TAS2R1: variants seen among roughly 807,000 people sequenced by gnomAD.
TAS2R1 encodes the protein taste 2 receptor member 1.
For synonymous variants in TAS2R1, 141 were observed against 134.2 expected, an observed-to-expected ratio of 1.05 and a Z score of -0.35; for missense variants, 370 against 353.4, an observed-to-expected ratio of 1.05 and a Z score of -0.38.
chr5:9,821,473 T>G, the TAS2R1 span, among the ~76,000 whole-genome samples: 2 of 152,240 alleles, frequency 1.3e-5, no homozygotes, highest in East Asian at 3.8e-4. Flanking sequence ...CAGTCATTAT[T>G]TGGCATCTTA....
At chr5:9,693,226 T>G (rs188254633) in intron 1 of TAS2R1, among the ~76,000 whole-genome samples, 11 of 152,234 alleles carry the variant, frequency 7.2e-5, no homozygotes, top group Non-Finnish European at 1.6e-4. Context: ...TTTGGTCTCT[T>G]GGCCAGGCGC....
At chr5:9,739,272 G>A in the TAS2R1 span, among the ~76,000 whole-genome samples, 33 of 152,268 alleles carry the variant, frequency 2.2e-4, no homozygotes, top group Middle Eastern at 3.4e-3. Context: ...TAGTGAAGGT[G>A]AACAGCGTGC....
At chr5:9,797,288 A>G in the TAS2R1 span, among the ~76,000 whole-genome samples, 1 of 152,130 alleles carries the variant, frequency 6.6e-6, no homozygotes, top group Non-Finnish European at 1.5e-5. Flanking sequence ...CTGCTGACGT[A>G]CCCTACAATG....
chr5:9,746,242 C>T, the TAS2R1 span, among the ~76,000 whole-genome samples: 4 of 151,972 alleles, frequency 2.6e-5, no homozygotes, highest in East Asian at 3.9e-4. Context: ...GTTAGAATGG[C>T]GATCATTAAA....
chr5:9,706,292 G>T (rs1463932373), intron 1 of TAS2R1, among the ~76,000 whole-genome samples: 1 of 152,146 alleles, frequency 6.6e-6, no homozygotes, highest in Non-Finnish European at 1.5e-5. Context: ...TAGAGCCCTG[G>T]CCATACTCAG....
the TAS2R1 span, among the ~76,000 whole-genome samples, chr5:9,822,638 C>T: frequency 3.2e-4 from 49 of 151,994 alleles, no homozygotes; most frequent in South Asian, 1.2e-3. Flanking sequence ...TGTGAGCCAC[C>T]GTGCCCAGCC....
At chr5:9,837,367 G>C in the TAS2R1 span, among the ~76,000 whole-genome samples, 1 of 152,120 alleles carries the variant, frequency 6.6e-6, no homozygotes, top group Non-Finnish European at 1.5e-5. Flanking sequence ...TAGAAGAGAG[G>C]GTGAGCATAT....
At chr5:9,691,527 G>T (rs1741249559) in intron 1 of TAS2R1, among the ~76,000 whole-genome samples, 1 of 152,274 alleles carries the variant, frequency 6.6e-6, no homozygotes, top group Non-Finnish European at 1.5e-5. Flanking sequence ...AGCATCTGCT[G>T]CTTCTCAGCT....
At chr5:9,776,080 T>C in the TAS2R1 span, among the ~76,000 whole-genome samples, 1 of 152,202 alleles carries the variant, frequency 6.6e-6, no homozygotes, top group African/African-American at 2.4e-5. Flanking sequence ...CAGAACACTT[T>C]AGCCCATGGT....
chr5:9,805,630 A>C, the TAS2R1 span, among the ~76,000 whole-genome samples: 2 of 152,068 alleles, frequency 1.3e-5, no homozygotes, highest in Non-Finnish European at 2.9e-5. Flanking sequence ...CACATAAACA[A>C]AATTAAAAAC....
chr5:9,835,141 G>A, the TAS2R1 span, among the ~76,000 whole-genome samples: 1 of 152,172 alleles, frequency 6.6e-6, no homozygotes, highest in African/African-American at 2.4e-5. Flanking sequence ...TTCCAAAGCA[G>A]TTGCCAGTTC....
the TAS2R1 span, among the ~76,000 whole-genome samples, chr5:9,767,381 C>T: frequency 6.6e-6 from 1 of 152,112 alleles, no homozygotes; most frequent in Non-Finnish European, 1.5e-5. Context: ...CAGTGAGCCT[C>T]GAAGCTGGAC....
the TAS2R1 span, among the ~76,000 whole-genome samples, chr5:9,840,976 G>A: frequency 4.9e-4 from 74 of 150,454 alleles, no homozygotes; most frequent in African/African-American, 1.4e-3. Context: ...CCGGTTTCAC[G>A]CCATTCTCCT....
the TAS2R1 span, among the ~76,000 whole-genome samples, chr5:9,826,266 T>C: frequency 1.3e-5 from 2 of 152,178 alleles, no homozygotes; most frequent in Non-Finnish European, 2.9e-5. Flanking sequence ...AAAATTTCTA[T>C]AACTCTTCTT....
intron 2 of TAS2R1, among the ~76,000 whole-genome samples, chr5:9,650,285 GA>G (rs1205095882): frequency 7.0e-6 from 1 of 143,480 alleles, no homozygotes; most frequent in Admixed American, 7.0e-5. Context: ...CAAAATTAAA[GA>G]ATTTTTTTTT....
the TAS2R1 span, among the ~76,000 whole-genome samples, chr5:9,843,647 A>G: frequency 6.6e-6 from 1 of 152,264 alleles, no homozygotes; most frequent in Non-Finnish European, 1.5e-5. Context: ...CGAAAAATAT[A>G]AAGCATTTTC....
At chr5:9,847,751 C>T in the TAS2R1 span, among the ~76,000 whole-genome samples, 1,138 of 152,254 alleles carry the variant, frequency 7.5e-3, 7 homozygotes, top group Middle Eastern at 0.02. Flanking sequence ...TAGAAGGTTC[C>T]ATTAGCCAAG....
chr5:9,727,635 T>C, the TAS2R1 span, among the ~76,000 whole-genome samples: 1 of 152,070 alleles, frequency 6.6e-6, no homozygotes, highest in Non-Finnish European at 1.5e-5. Context: ...GAGCAAAGGG[T>C]GGCACTGGTG....
the TAS2R1 span, among the ~76,000 whole-genome samples, chr5:9,813,156 A>T: frequency 1.3e-5 from 2 of 152,212 alleles, no homozygotes; most frequent in Admixed American, 6.5e-5. Flanking sequence ...GGACACAGAG[A>T]TACCCATAGA....
Sources: allele counts gnomAD v4.1 joint callset (sites outside exome capture counted in the v4.1 genomes callset), GRCh38; gene constraint gnomAD v4.1.1; transcripts MANE v1.5; gene names NCBI Gene and HGNC (gene_info 2026-07-23, HGNC 2026-07-21).